CD226: variants seen among roughly 807,000 people sequenced by gnomAD.
The protein encoded by CD226 is CD226 antigen.
Under a neutral mutation model 34.9 loss-of-function variants are expected in CD226, and 24 were observed. That is an observed-to-expected ratio of 0.69 (90% confidence interval 0.50 to 0.97). The LOEUF is 0.97. CD226 is among the 50% of genes least tolerant of loss of function. The pLI, the probability that CD226 is intolerant of heterozygous loss-of-function variation, is 0.00. For synonymous variants in CD226, 148 were observed against 147.4 expected, an observed-to-expected ratio of 1.00 and a Z score of -0.03; for missense variants, 397 against 412.7, an observed-to-expected ratio of 0.96 and a Z score of 0.33.
upstream of CD226, among the ~76,000 whole-genome samples, chr18:69,950,167 AAC>A (rs954298345): frequency 4.5e-5 from 1 of 22,404 alleles, no homozygotes; most frequent in African/African-American, 4.6e-5. Flanking sequence ...CGTACTCTCA[AAC>A]ACACTCGTAC....
chr18:69,868,951 T>G (rs1790933), intron 4 of CD226, among the ~76,000 whole-genome samples: 9,229 of 152,294 alleles, frequency 0.061, 812 homozygotes, highest in African/African-American at 0.19. Context: ...CTGAGTTATT[T>G]ATGTCTTTAA....
At chr18:69,943,796 C>T (rs1335912327) in intron 2 of CD226, among the ~76,000 whole-genome samples, 5 of 152,130 alleles carry the variant, frequency 3.3e-5, no homozygotes, top group African/African-American at 1.2e-4. Context: ...TTCAAGTGCA[C>T]ACAGGAGATT....
At chr18:69,901,458 AAT>A (rs1292575607) in intron 2 of CD226, among the ~76,000 whole-genome samples, 1 of 152,156 alleles carries the variant, frequency 6.6e-6, no homozygotes, top group African/African-American at 2.4e-5. Context: ...GAGTGTGAGA[AAT>A]AGAGAACAAT....
At position 69,856,407 on chromosome 18, in the gene CD226, G is replaced by C. The variant is rs892805598; in HGVS notation, c.*7907C>G. ...GTCAGTATGTGATAGATCAAGAAGAGGGAAAATCAGAAAGGATATAGATAA... is the reference window on the plus strand; with the variant it reads ...GTCAGTATGTGATAGATCAAGAAGACGGAAAATCAGAAAGGATATAGATAA... On this transcript the variant is annotated 3_prime_UTR_variant, in exon 6 of 6. Coordinates refer to ENST00000582621, the MANE Select transcript of CD226 (RefSeq NM_001303618.2). 1 of 152,138 alleles carries C rather than the reference G, an allele frequency of 6.6e-6. No individual in the cohort carries two copies. Among genetic ancestry groups the C allele is most frequent in the Non-Finnish European group, 1.5e-5 (1 of 68,014 alleles). 9.4% of individuals were successfully genotyped at this position (152,138 alleles called of 1,614,324 possible). A position where few individuals can be genotyped will look rare whatever the true frequency, so the allele number is the denominator to read the frequency against.
At chr18:69,919,400 CAAAAG>C (rs2055424521) in intron 2 of CD226, among the ~76,000 whole-genome samples, 1 of 152,080 alleles carries the variant, frequency 6.6e-6, no homozygotes, top group Non-Finnish European at 1.5e-5. Context: ...AAAATATTGT[CAAAAG>C]AAGTCTTGAA....
In CD226 at chr18:69,855,404, C is replaced by A. The variant is rs1982582222; in HGVS notation, c.*8910G>T. 1.3e-5 allele frequency: 2 copies of A among 152,072 alleles called. No homozygotes were observed. Among genetic ancestry groups the A allele is most frequent in the African/African-American group, 4.8e-5 (2 of 41,422 alleles). The allele number at this position is 152,072 out of a possible 1,614,324, so 9.4% of individuals were successfully genotyped here. A position where few individuals can be genotyped will look rare whatever the true frequency, so the allele number is the denominator to read the frequency against. On this transcript the variant is annotated 3_prime_UTR_variant, in exon 6 of 6. Coordinates refer to ENST00000582621, the MANE Select transcript of CD226 (RefSeq NM_001303618.2). Reference sequence around the variant, plus strand: ...GATGCAATTATCAGTTGACTTGGAACCCCGAAGGAAGAATGAATGACTTTG... The same window carrying A: ...GATGCAATTATCAGTTGACTTGGAAACCCGAAGGAAGAATGAATGACTTTG...
At chr18:69,866,551 A>C (rs1327913772) in intron 5 of CD226, among the ~76,000 whole-genome samples, 1 of 152,190 alleles carries the variant, frequency 6.6e-6, no homozygotes, top group Non-Finnish European at 1.5e-5. Context: ...CAAAGATAAT[A>C]ATAATAATGA....
chr18:69,876,894 C>A (rs1284002664), intron 3 of CD226, among the ~76,000 whole-genome samples: 1 of 139,348 alleles, frequency 7.2e-6, no homozygotes, highest in Non-Finnish European at 1.5e-5. Flanking sequence ...GACGGAGTCT[C>A]GCTCTGTCAC....
intron 4 of CD226, among the ~76,000 whole-genome samples, chr18:69,872,872 C>T (rs1983622436): frequency 6.6e-6 from 1 of 152,128 alleles, no homozygotes; most frequent in Non-Finnish European, 1.5e-5. Flanking sequence ...TCGCTGTCAG[C>T]TTTTTCCTTG....
chr18:69,927,608 T>G (rs530855380), intron 2 of CD226, among the ~76,000 whole-genome samples: 1 of 152,110 alleles, frequency 6.6e-6, no homozygotes. Context: ...TCTGTGTACC[T>G]CATATAAGTG....
In CD226 at chr18:69,882,564, A is replaced by G. The variant is rs139790710; in HGVS notation, c.728-9318T>C. On this transcript the variant is annotated intron_variant, in intron 3 of 5. Transcript: ENST00000582621. ...AAAATGTTACGGCTGACTCCTTTGT[A>G]TTAGATATCTCATATTTTTACCCAA... is the stretch of plus-strand genomic sequence containing the variant. 5.9e-3 allele frequency among the ~76,000 whole-genome samples: 894 copies of G among 152,294 alleles called. 10 individuals carry two copies. The highest frequency in any genetic ancestry group is 0.02 in the African/African-American group (848 of 41,562).
intron 2 of CD226, among the ~76,000 whole-genome samples, chr18:69,943,876 A>G (rs928242883): frequency 2.0e-5 from 3 of 152,228 alleles, no homozygotes; most frequent in Non-Finnish European, 4.4e-5. Context: ...ATAAATAGCA[A>G]AAAATCAACA....
intron 3 of CD226, among the ~76,000 whole-genome samples, chr18:69,888,930 A>G (rs1360605848): frequency 2.0e-5 from 3 of 152,186 alleles, no homozygotes; most frequent in Non-Finnish European, 4.4e-5. Context: ...TAGTATGTAT[A>G]AAAAATGACT....
In CD226 at chr18:69,863,340, C is replaced by T. The variant is rs1207039537; in HGVS notation, c.*974G>A. On this transcript the variant is annotated 3_prime_UTR_variant, in exon 6 of 6. Coordinates refer to ENST00000582621, the MANE Select transcript of CD226 (RefSeq NM_001303618.2). Reference sequence around the variant, plus strand: ...ATTAAAAATAATTCTCAAAAGTAGACAAAATATGTCCAAAACATTAAGTTA... The same window carrying T: ...ATTAAAAATAATTCTCAAAAGTAGATAAAATATGTCCAAAACATTAAGTTA... 1 of 152,106 alleles carries T rather than the reference C, an allele frequency of 6.6e-6. No individual in the cohort carries two copies. The highest frequency in any genetic ancestry group is 6.6e-5 in the Admixed American group (1 of 15,262). 9.4% of individuals were successfully genotyped at this position (152,106 alleles called of 1,614,324 possible). A position where few individuals can be genotyped will look rare whatever the true frequency, so the allele number is the denominator to read the frequency against.
intron 2 of CD226, among the ~76,000 whole-genome samples, chr18:69,940,037 A>G (rs1286847787): frequency 6.6e-6 from 1 of 152,226 alleles, no homozygotes; most frequent in African/African-American, 2.4e-5. Flanking sequence ...TAACTGAATC[A>G]TGGGGGTGGT....
At chr18:69,959,059 A>AT (rs747958954), upstream of CD226, among the ~76,000 whole-genome samples, 17 of 152,208 alleles carry the variant, frequency 1.1e-4, no homozygotes, top group Non-Finnish European at 1.9e-4. Context: ...AAACACAGGC[A>AT]TCCCAGTATC....
At chr18:69,897,217 A>C (rs1405913030) in intron 2 of CD226, among the ~76,000 whole-genome samples, 1 of 152,238 alleles carries the variant, frequency 6.6e-6, no homozygotes, top group East Asian at 1.9e-4. Flanking sequence ...TTTCTAATAC[A>C]GTAAACATGA....
At chr18:69,875,029 T>C (rs1983775679) in intron 3 of CD226, among the ~76,000 whole-genome samples, 1 of 152,252 alleles carries the variant, frequency 6.6e-6, no homozygotes, top group African/African-American at 2.4e-5. Flanking sequence ...TAGACAATGA[T>C]GCAATACATA....
intron 2 of CD226, among the ~76,000 whole-genome samples, chr18:69,903,936 A>T (rs2055218798): frequency 6.6e-6 from 1 of 152,202 alleles, no homozygotes; most frequent in African/African-American, 2.4e-5. Context: ...TCTTGGGTAC[A>T]GTCTGGGCCT....
Sources: gnomAD v4.1 joint callset for allele counts (sites outside exome capture counted in the v4.1 genomes callset) on GRCh38, gnomAD v4.1.1 for gene constraint, MANE v1.5 for transcripts, NCBI Gene and HGNC (gene_info 2026-07-23, HGNC 2026-07-21) for gene names.